The following PLOD3 variants were observed in gnomAD, a reference collection of about 807,000 sequenced individuals.
PLOD3 encodes the protein procollagen-lysine,2-oxoglutarate 5-dioxygenase 3, also known as multifunctional procollagen lysine hydroxylase and glycosyltransferase LH3.
In PLOD3, 73 loss-of-function variants were observed where a neutral mutation model predicts 96.9. The ratio of observed to expected loss-of-function variants is 0.75; its 90% CI spans 0.62 to 0.92. The LOEUF is 0.92. Among genes scored for constraint, PLOD3 ranks in the 40% least tolerant of loss-of-function variants. The pLI, the probability that PLOD3 is intolerant of heterozygous loss-of-function variation, is 0.00. For synonymous variants in PLOD3, 454 were observed against 413.7 expected (o/e 1.10, Z -1.18); for missense variants, 1,004 against 1,004.3 (o/e 1.00, Z 0.00).
At position 101,216,510 on chromosome 7, in the gene PLOD3, C is replaced by A; in HGVS notation, c.238G>T (p.Val80Leu). ...TGTCCTCCACCAACTGTTCGAGCCA[C>A]ATCACCCCCTCGCCACTCCTCTCCC... ...GLGEEWRGGD[V>L]ARTVGGGQKV... is the part of the protein sequence containing the mutation. Residue 80 changes from valine to leucine, a missense_variant, in exon 3 of 19, where the codon GTG becomes TTG. Transcript: ENST00000223127. The A allele has an allele frequency of 6.2e-7, 1 of 1,614,158 alleles. No individual in the cohort carries two copies. The highest frequency in any genetic ancestry group is 8.5e-7 in the Non-Finnish European group (1 of 1,180,024).
chr7:101,207,600 A>ATGGGGCCCTCGGTCATGGTG lies in PLOD3; in HGVS notation c.1912_1913insCACCATGACCGAGGGCCCCA (p.Leu638ProfsTer3). Reference sequence around the variant, plus strand: ...CACCTTGGTGTGGTAACCGGGAAACAGGCTCTCGGTCATGGGGCCCACATA... The same window carrying ATGGGGCCCTCGGTCATGGTG: ...CACCTTGGTGTGGTAACCGGGAAACATGGGGCCCTCGGTCATGGTGGGCTCTCGGTCATGGGGCCCACATA... On this transcript the variant is annotated stop_gained and frameshift_variant, in exon 17 of 19. Coordinates refer to ENST00000223127, the MANE Select transcript of PLOD3 (RefSeq NM_001084.5). LOFTEE classifies it high-confidence loss of function. 1 of 1,613,946 alleles carries ATGGGGCCCTCGGTCATGGTG rather than the reference A, an allele frequency of 6.2e-7. No individual in the cohort carries two copies. Among genetic ancestry groups the ATGGGGCCCTCGGTCATGGTG allele is most frequent in the South Asian group, 1.1e-5 (1 of 91,068 alleles).
intron 17 of PLOD3, 126 bp from the exon 18 acceptor site, chr7:101,207,030 T>C: frequency 4.3e-6 from 5 of 1,170,458 alleles, no homozygotes; most frequent in South Asian, 3.1e-5. Context: ...AGTGGTGCGA[T>C]CTTGGCTCGA....
At position 101,211,892 on chromosome 7, in the gene PLOD3, C is replaced by T. The variant is rs778731070; in HGVS notation, c.1186G>A (p.Val396Ile). The T allele has an allele frequency of 3.7e-6, 6 of 1,612,656 alleles. No individual in the cohort carries two copies. In the South Asian group the frequency reaches 6.6e-5, roughly 18 times the overall value. ...CGCAGGGTCTGCAGGTTGGTGAGGA[C>T]AGCGTCGGCGTCCAGGCTGAAGTAG... The part of the protein sequence containing the change: ...EFYFSLDADA[V>I]LTNLQTLRIL... The change falls in exon 11 of 19, where the codon GTC (valine) becomes ATC (isoleucine). Residue 396 changes from valine (V) to isoleucine (I), a missense_variant. Physicochemically the swap from Val to Ile is conservative, Grantham distance 29 (BLOSUM62 3). Around this residue, in one of 5 missense-constraint regions of PLOD3, gnomAD observed 690 missense variants for 650.2 expected, o/e 1.06. Coordinates refer to ENST00000223127, the MANE Select transcript of PLOD3 (RefSeq NM_001084.5).
intron 6 of PLOD3, among the ~76,000 whole-genome samples, chr7:101,214,706 G>A (rs570887032): frequency 9.9e-4 from 151 of 151,986 alleles, no homozygotes; most frequent in African/African-American, 3.6e-3. Flanking sequence ...GCGTGGTGGC[G>A]CATGCCTGTA....
Position 101,216,025 on chromosome 7 carries a change from CG to C in PLOD3, c.503-6del. On this transcript the variant is annotated splice_polypyrimidine_tract_variant and splice_region_variant and intron_variant, in intron 4 of 18. Coordinates refer to ENST00000223127, the MANE Select transcript of PLOD3 (RefSeq NM_001084.5). The stretch of plus-strand genomic sequence containing the variant: ...TGGTGGCAAAACCGATGAATCCTGG[CG>C]GGGAGGGGGAGTGTTGACCTCGAGA... 1 of 1,613,072 alleles carries C rather than the reference CG, an allele frequency of 6.2e-7. No individual in the cohort carries two copies. The highest frequency in any genetic ancestry group is 8.5e-7 in the Non-Finnish European group (1 of 1,179,086).
At chr7:101,212,013 GC>G in intron 10 of PLOD3, 63 bp from the exon 11 acceptor site, 1 of 1,170,898 alleles carries the variant, frequency 8.5e-7, no homozygotes, top group Non-Finnish European at 1.2e-6. Flanking sequence ...GGGGTAACTG[GC>G]CCATGCCCCC....
At position 101,217,293 on chromosome 7, in the gene PLOD3, A is replaced by C; in HGVS notation, c.-19T>G. ...AGGTCATGGTGGGGAGCGGGCCCAGACAGCACCCAGGATCCTGGGATCTCC... is the reference window on the plus strand; with the variant it reads ...AGGTCATGGTGGGGAGCGGGCCCAGCCAGCACCCAGGATCCTGGGATCTCC... On this transcript the variant is annotated 5_prime_UTR_variant, in exon 1 of 19. Coordinates refer to ENST00000223127, the MANE Select transcript of PLOD3 (RefSeq NM_001084.5). 4.8e-6 allele frequency: 7 copies of C among 1,444,570 alleles called. No individual in the cohort carries two copies. Among genetic ancestry groups the C allele is most frequent in the Non-Finnish European group, 6.4e-6 (7 of 1,098,278 alleles). The allele number at this position is 1,444,570 out of a possible 1,614,324, so 89.5% of individuals were successfully genotyped here. A position where few individuals can be genotyped will look rare whatever the true frequency, so the allele number is the denominator to read the frequency against.
chr7:101,213,026 G>A, intron 7 of PLOD3, 81 bp downstream of exon 7: 4 of 1,268,564 alleles, frequency 3.2e-6, no homozygotes, highest in Non-Finnish European at 4.5e-6. Flanking sequence ...TGGGGGCTGG[G>A]AAGGGCCAGC....
chr7:101,206,361 C>G lies in PLOD3; in HGVS notation c.2137G>C (p.Gly713Arg). The change falls in exon 19 of 19, where the codon GGC becomes CGC. Residue 713 changes from glycine to arginine, a missense_variant. Around this residue, in one of 5 missense-constraint regions of PLOD3, gnomAD observed 222 missense variants for 220.4 expected, o/e 1.01. Coordinates refer to ENST00000223127, the MANE Select transcript of PLOD3 (RefSeq NM_001084.5). Reference sequence around the variant, plus strand: ...CCCTCGTGGTAGTGGGTGAGGCGGCCGGGGTGCAGGAGTGCCCAGCCCTTC... The same window carrying G: ...CCCTCGTGGTAGTGGGTGAGGCGGCGGGGGTGCAGGAGTGCCCAGCCCTTC... ...PRKGWALLHP[G>R]RLTHYHEGLP... The G allele has an allele frequency of 6.2e-7, 1 of 1,613,794 alleles. No individual in the cohort carries two copies. The highest frequency in any genetic ancestry group is 1.1e-5 in the South Asian group (1 of 91,074).
intron 16 of PLOD3, among the ~76,000 whole-genome samples, chr7:101,208,408 A>G (rs1798120282): frequency 6.6e-6 from 1 of 152,072 alleles, no homozygotes; most frequent in South Asian, 2.1e-4. Flanking sequence ...TGCCCGGCTA[A>G]TTTTGTGTTT....
chr7:101,216,823 C>T, intron 1 of PLOD3, 37 bp from the exon 2 acceptor site: 1 of 1,422,840 alleles, frequency 7.0e-7, no homozygotes, highest in Non-Finnish European at 9.9e-7. Context: ...AGATCCACCG[C>T]CCAGCTCCGG....
intron 1 of PLOD3, 21 bp downstream of exon 1, chr7:101,217,145 C>G (rs1424453573): frequency 6.9e-7 from 1 of 1,451,478 alleles, no homozygotes; most frequent in Non-Finnish European, 9.1e-7. Flanking sequence ...TCGGCCGTGC[C>G]GGGCCTCCCC....
rs771134617 is a variant in PLOD3 at position 101,213,089 on chromosome 7, T to C, written c.777+18A>G. On this transcript the variant is annotated intron_variant, in intron 7 of 18. Transcript: ENST00000223127. Reference sequence around the variant, plus strand: ...GGTTGGGGCAGGGCGGGGCGGGGGTTGAGACCACTGGTGGCACCTTAGTGG... The same window carrying C: ...GGTTGGGGCAGGGCGGGGCGGGGGTCGAGACCACTGGTGGCACCTTAGTGG... 2.5e-6 allele frequency: 4 copies of C among 1,570,118 alleles called. No homozygotes were observed.
At chr7:101,216,835 C>T (rs1798285536) in intron 1 of PLOD3, 49 bp from the exon 2 acceptor site, 2 of 1,293,336 alleles carry the variant, frequency 1.5e-6, no homozygotes, top group Admixed American at 1.8e-5. Flanking sequence ...CAGCTCCGGG[C>T]CTCACGTGCT....
At position 101,212,357 on chromosome 7, in the gene PLOD3, G is replaced by A; in HGVS notation, c.1023C>T (p.Pro341=). 6.2e-7 allele frequency: 1 copy of A among 1,613,854 alleles called. No homozygotes were observed. Among genetic ancestry groups the A allele is most frequent in the Non-Finnish European group, 8.5e-7 (1 of 1,179,956 alleles). Residue 341 remains proline, a synonymous_variant, in exon 10 of 19, where the codon CCC becomes CCT. Transcript: ENST00000223127. Reference sequence around the variant, plus strand: ...GCTGCGGCCAGGAGTCAGCGATGTGGGGTTCATGGAAGACCTCCTGGGAGG... The same window carrying A: ...GCTGCGGCCAGGAGTCAGCGATGTGAGGTTCATGGAAGACCTCCTGGGAGG... ...FLHNNEVFHE[P]HIADSWPQLQ...
chr7:101,212,118 C>T (rs1167415748), intron 10 of PLOD3, 135 bp downstream of exon 10: 2 of 1,231,266 alleles, frequency 1.6e-6, no homozygotes, highest in Non-Finnish European at 2.3e-6. Flanking sequence ...AGCATGGGGG[C>T]TGCAAGGATG....
chr7:101,215,165 A>T lies in PLOD3; in HGVS notation c.616-13T>A. The stretch of plus-strand genomic sequence containing the variant: ...GGCTGAGTTTCTCCTAAATGGAATG[A>T]GATGCGATGGAGTGGTTAAAATGGA... On this transcript the variant is annotated splice_polypyrimidine_tract_variant and intron_variant, in intron 5 of 18. Transcript: ENST00000223127. The T allele has an allele frequency of 6.3e-7, 1 of 1,582,954 alleles. No homozygotes were observed. The highest frequency in any genetic ancestry group is 1.1e-5 in the South Asian group (1 of 90,452).
rs772147657 is a variant in PLOD3 at position 101,210,082 on chromosome 7, C to G, written c.1683+11G>C. The G allele has an allele frequency of 1.3e-6, 2 of 1,570,458 alleles. No individual in the cohort carries two copies. The highest frequency in any genetic ancestry group is 1.7e-6 in the Non-Finnish European group (2 of 1,155,548). ...GGGCAGGGGGTGGGTGGGGAGGCTG[C>G]GTGGGCTCACCTGCTCCACGATTCC... is the stretch of plus-strand genomic sequence containing the variant. On this transcript the variant is annotated intron_variant, in intron 15 of 18. Transcript: ENST00000223127.
At position 101,217,408 on chromosome 7, in the gene PLOD3, G is replaced by A. The variant is rs966725744; in HGVS notation, c.-134C>T. The A allele has an allele frequency of 1.9e-4, 164 of 877,692 alleles. 1 individual carries two copies. In the East Asian group the frequency reaches 5.1e-3, roughly 27 times the overall value. 54.4% of individuals were successfully genotyped at this position (877,692 alleles called of 1,614,324 possible). ...GGCCGCCGCGGGGAGCAGCTTGGCTGGGGCTACGCCCTGAAAAAAAGGCGT... is the reference window on the plus strand; with the variant it reads ...GGCCGCCGCGGGGAGCAGCTTGGCTAGGGCTACGCCCTGAAAAAAAGGCGT... On this transcript the variant is annotated 5_prime_UTR_variant, in exon 1 of 19. Coordinates refer to ENST00000223127, the MANE Select transcript of PLOD3 (RefSeq NM_001084.5).
Sources: allele counts gnomAD v4.1 joint callset (sites outside exome capture counted in the v4.1 genomes callset), GRCh38; gene constraint gnomAD v4.1.1; regional missense constraint gnomAD v4.1.1; transcripts MANE v1.5; gene names NCBI Gene and HGNC (gene_info 2026-07-23, HGNC 2026-07-21).